Variants in SPOCK1 observed in about 807,000 individuals in gnomAD.
SPOCK1 encodes SPARC (osteonectin), cwcv and kazal like domains proteoglycan 1.
SPOCK1 carries 23 observed loss-of-function variants against 55.3 expected under a neutral mutation model. The ratio of observed to expected loss-of-function variants is 0.42; its 90% CI spans 0.30 to 0.59. The LOEUF is 0.59. Among genes scored for constraint, SPOCK1 ranks in the 20% least tolerant of loss-of-function variants. The pLI is 0.22. For missense variants in SPOCK1, 499 were observed against 552.5 expected, an observed-to-expected ratio of 0.90 and a Z score of 0.97; for synonymous variants, 226 against 221.0, an observed-to-expected ratio of 1.02 and a Z score of -0.20.
chr5:137,128,892 T>G (rs1394094143), intron 4 of SPOCK1, among the ~76,000 whole-genome samples: 1 of 152,232 alleles, frequency 6.6e-6, no homozygotes, highest in Admixed American at 6.5e-5. Context: ...CACATTCACA[T>G]TCTTAACCTC....
At chr5:137,322,907 T>C (rs1009042124) in intron 2 of SPOCK1, among the ~76,000 whole-genome samples, 1 of 152,150 alleles carries the variant, frequency 6.6e-6, no homozygotes, top group East Asian at 1.9e-4. Context: ...AGGACCTTCT[T>C]GCTATGTCAT....
At chr5:137,237,611 A>C (rs771883192) in intron 3 of SPOCK1, among the ~76,000 whole-genome samples, 6 of 152,264 alleles carry the variant, frequency 3.9e-5, no homozygotes, top group Non-Finnish European at 8.8e-5. Flanking sequence ...ACAAATAATT[A>C]GCCTTTATTT....
At chr5:137,365,263 A>G (rs1751033689) in intron 2 of SPOCK1, 1 of 152,306 alleles carries the variant, frequency 6.6e-6, no homozygotes, top group African/African-American at 2.4e-5. Context: ...CATTCTGTCC[A>G]TCCACACGGG....
intron 2 of SPOCK1, among the ~76,000 whole-genome samples, chr5:137,421,579 G>T (rs988075758): frequency 1.3e-5 from 2 of 152,060 alleles, no homozygotes; most frequent in African/African-American, 4.8e-5. Flanking sequence ...TTTGATCTTT[G>T]TTGGTTTGAA....
chr5:137,180,415 G>A (rs189375301), intron 3 of SPOCK1, among the ~76,000 whole-genome samples: 122 of 152,262 alleles, frequency 8.0e-4, no homozygotes, highest in African/African-American at 2.4e-3. Context: ...TGAAGCATCA[G>A]ACACATCACC....
chr5:137,118,127 C>A (rs1444498634), intron 4 of SPOCK1, among the ~76,000 whole-genome samples: 7 of 152,102 alleles, frequency 4.6e-5, no homozygotes, highest in Admixed American at 2.6e-4. Context: ...AACAGTACTG[C>A]CCAGAATCAC....
At chr5:137,391,993 T>G (rs889976717) in intron 2 of SPOCK1, among the ~76,000 whole-genome samples, 4 of 152,162 alleles carry the variant, frequency 2.6e-5, no homozygotes, top group African/African-American at 7.2e-5. Context: ...ACCTTCACAC[T>G]GACCTCCACA....
chr5:136,978,930 T>C, intron 10 of SPOCK1, 86 bp from the exon 11 acceptor site: 2 of 1,385,732 alleles, frequency 1.4e-6, no homozygotes, highest in Non-Finnish European at 1.9e-6. Context: ...AATTGTAGGG[T>C]AAAACCAAGC....
chr5:137,309,201 T>C (rs1757749540), intron 2 of SPOCK1, among the ~76,000 whole-genome samples: 1 of 152,194 alleles, frequency 6.6e-6, no homozygotes, highest in Non-Finnish European at 1.5e-5. Flanking sequence ...TTCTTTCTCC[T>C]CTGTAACACT....
chr5:137,428,031 C>T (rs926816571), intron 2 of SPOCK1, among the ~76,000 whole-genome samples: 16 of 152,062 alleles, frequency 1.1e-4, no homozygotes, highest in African/African-American at 3.9e-4. Context: ...TTTACTTGTA[C>T]CTGCACTGTA....
At chr5:137,364,044 C>G (rs1189897942) in intron 2 of SPOCK1, among the ~76,000 whole-genome samples, 2 of 152,194 alleles carry the variant, frequency 1.3e-5, no homozygotes, top group African/African-American at 4.8e-5. Context: ...CCAGCCCAGC[C>G]CAGCCCTGCT....
At chr5:137,093,810 A>G (rs1753091759) in intron 5 of SPOCK1, among the ~76,000 whole-genome samples, 1 of 152,240 alleles carries the variant, frequency 6.6e-6, no homozygotes, top group African/African-American at 2.4e-5. Context: ...ACTGGAGCAG[A>G]GTCATGATGA....
At chr5:137,230,323 T>C (rs1414312510) in intron 3 of SPOCK1, among the ~76,000 whole-genome samples, 10 of 152,130 alleles carry the variant, frequency 6.6e-5, no homozygotes, top group Non-Finnish European at 1.0e-4. Flanking sequence ...GGGATTCTCC[T>C]TGGAAAGAAA....
At chr5:137,211,898 A>T (rs559414394) in intron 3 of SPOCK1, among the ~76,000 whole-genome samples, 1 of 152,268 alleles carries the variant, frequency 6.6e-6, no homozygotes, top group South Asian at 2.1e-4. Context: ...TGTCCTATGC[A>T]TCTCCTTACC....
At chr5:137,072,179 T>C (rs1338822242) in intron 5 of SPOCK1, among the ~76,000 whole-genome samples, 1 of 152,198 alleles carries the variant, frequency 6.6e-6, no homozygotes, top group Non-Finnish European at 1.5e-5. Flanking sequence ...GTATCAGTTG[T>C]GACGCATGCC....
chr5:136,985,236 T>G (rs1427001277), intron 8 of SPOCK1, 34 bp from the exon 9 acceptor site: 2 of 1,578,494 alleles, frequency 1.3e-6, no homozygotes. Context: ...AGCTTCCAGA[T>G]GGTATGGAGT....
intron 5 of SPOCK1, among the ~76,000 whole-genome samples, chr5:137,071,964 G>A (rs369238797): frequency 1.5e-4 from 23 of 152,204 alleles, no homozygotes; most frequent in East Asian, 9.6e-4. Flanking sequence ...CTTTGTTACA[G>A]TAGCACTAAC....
At chr5:137,449,912 AAAAAAGAAAGAAAG>A (rs1753218633) in intron 2 of SPOCK1, among the ~76,000 whole-genome samples, 3 of 142,010 alleles carry the variant, frequency 2.1e-5, no homozygotes, top group Non-Finnish European at 4.6e-5. Flanking sequence ...AAAAAAAAAA[AAAAAAGAAAGAAAG>A]AAAAAGAAAG....
At chr5:137,022,979 C>G (rs1405077863) in intron 6 of SPOCK1, among the ~76,000 whole-genome samples, 1 of 152,158 alleles carries the variant, frequency 6.6e-6, no homozygotes, top group Non-Finnish European at 1.5e-5. Context: ...AATCTTGGTT[C>G]TGATTCCCAG....
Sources: allele counts gnomAD v4.1 joint callset (sites outside exome capture counted in the v4.1 genomes callset), GRCh38; gene constraint gnomAD v4.1.1; transcripts MANE v1.5; gene names NCBI Gene and HGNC (gene_info 2026-07-23, HGNC 2026-07-21).